The following AKAP6 variants were observed in gnomAD, a reference collection of about 807,000 sequenced individuals.
The protein encoded by AKAP6 is A-kinase anchor protein 6.
Under a neutral mutation model 188.5 loss-of-function variants are expected in AKAP6, and 58 were observed. The observed-to-expected ratio is 0.31, with a 90% CI of 0.25 to 0.38. The LOEUF (loss-of-function observed/expected upper bound fraction) is 0.38. Ranked by LOEUF, AKAP6 falls within the 10% of genes least tolerant of loss-of-function variation. The pLI is 1.00. For synonymous variants in AKAP6, 989 were observed against 998.6 expected, an observed-to-expected ratio of 0.99 and a Z score of 0.18; for missense variants, 2,710 against 2,740.0, an observed-to-expected ratio of 0.99 and a Z score of 0.24.
At chr14:32,670,438 T>C (rs554224734) in intron 7 of AKAP6, among the ~76,000 whole-genome samples, 5 of 152,242 alleles carry the variant, frequency 3.3e-5, no homozygotes. Context: ...CTAAAGGGGA[T>C]ACTATTAGGA....
intron 11 of AKAP6, among the ~76,000 whole-genome samples, chr14:32,748,741 T>C (rs1289508436): frequency 2.0e-5 from 3 of 152,114 alleles, no homozygotes; most frequent in African/African-American, 7.2e-5. Context: ...AAGGAAGAGC[T>C]CTTTTGGGGT....
At position 32,686,496 on chromosome 14, in the gene AKAP6, A is replaced by G. The variant is rs548918070; in HGVS notation, c.2879+8037A>G. On this transcript the variant is annotated intron_variant, in intron 8 of 13. Transcript: ENST00000280979. The stretch of plus-strand genomic sequence containing the variant: ...TAAATATTGAGAGGATAGATGCCCA[A>G]TTTTCCATGATGTGATTATTACTTA... 8.5e-5 allele frequency among the ~76,000 whole-genome samples: 13 copies of G among 152,234 alleles called. No homozygotes were observed. In the South Asian group the frequency reaches 1.2e-3, roughly 15 times the overall value.
chr14:32,539,000 T>G (rs963764984), intron 3 of AKAP6, among the ~76,000 whole-genome samples: 4 of 152,240 alleles, frequency 2.6e-5, no homozygotes, highest in Non-Finnish European at 4.4e-5. Context: ...TTCTTCCTTC[T>G]ATCTTCTCTA....
intron 7 of AKAP6, among the ~76,000 whole-genome samples, chr14:32,649,623 T>G (rs1384968024): frequency 6.6e-6 from 1 of 152,174 alleles, no homozygotes; most frequent in Non-Finnish European, 1.5e-5. Flanking sequence ...TCTTATGAAT[T>G]GTTTCTTTTT....
chr14:32,413,480 C>T (rs1218926184), intron 1 of AKAP6, among the ~76,000 whole-genome samples: 1 of 152,036 alleles, frequency 6.6e-6, no homozygotes, highest in African/African-American at 2.4e-5. Context: ...CTGTGCCTTG[C>T]CAAAAACCAT....
intron 2 of AKAP6, among the ~76,000 whole-genome samples, chr14:32,493,076 A>C (rs770425840): frequency 3.9e-5 from 6 of 152,214 alleles, no homozygotes; most frequent in Non-Finnish European, 8.8e-5. Context: ...ACTGTTTGTC[A>C]GAGAAGGAAC....
At chr14:32,444,327 G>T (rs904359289) in intron 2 of AKAP6, among the ~76,000 whole-genome samples, 5 of 151,966 alleles carry the variant, frequency 3.3e-5, no homozygotes, top group Admixed American at 2.6e-4. Flanking sequence ...AGAGGCAATT[G>T]GTTTTCTTAG....
rs2034820600 is a variant in AKAP6, at chr14:32,831,611, C to G, written c.*1806C>G. On this transcript the variant is annotated 3_prime_UTR_variant, in exon 14 of 14. Transcript: ENST00000280979. ...GAACAAACAGACAAAGCCCTGCCCT[C>G]AGAAGGCTGTCCTGCATTAGGAACA... 6.6e-6 allele frequency: 1 copy of G among 152,224 alleles called. No homozygotes were observed. Among genetic ancestry groups the G allele is most frequent in the Non-Finnish European group, 1.5e-5 (1 of 68,056 alleles). The allele number at this position is 152,224 out of a possible 1,614,324, so 9.4% of individuals were successfully genotyped here. A position where few individuals can be genotyped will look rare whatever the true frequency, so the allele number is the denominator to read the frequency against.
intron 2 of AKAP6, among the ~76,000 whole-genome samples, chr14:32,497,692 A>G (rs1307149661): frequency 1.3e-5 from 2 of 151,858 alleles, no homozygotes; most frequent in Non-Finnish European, 2.9e-5. Flanking sequence ...GTGATTTTAT[A>G]TATATATATA....
chr14:32,829,928 G>A lies in AKAP6; in HGVS notation c.*123G>A, dbSNP rs905049342. 24 of 702,564 alleles carry A rather than the reference G, an allele frequency of 3.4e-5. No individual in the cohort carries two copies. Among genetic ancestry groups the A allele is most frequent in the African/African-American group, 7.0e-5 (4 of 57,232 alleles). The allele number at this position is 702,564 out of a possible 1,614,324, so 43.5% of individuals were successfully genotyped here. ...TGGTTCCATCACGTTTGTCACTGCC[G>A]TTTATTACATTGACTTCTCCCAAGA... On this transcript the variant is annotated 3_prime_UTR_variant, in exon 14 of 14. Transcript: ENST00000280979.
chr14:32,745,393 A>AC (rs1481576059), intron 11 of AKAP6, among the ~76,000 whole-genome samples: 1 of 129,216 alleles, frequency 7.7e-6, no homozygotes, highest in Non-Finnish European at 1.7e-5. Context: ...GTCTAGGATA[A>AC]TTTCTGGATT....
intron 8 of AKAP6, among the ~76,000 whole-genome samples, chr14:32,694,222 G>T (rs898909660): frequency 1.6e-4 from 25 of 152,050 alleles, no homozygotes; most frequent in African/African-American, 6.0e-4. Flanking sequence ...TTAGCCGAGC[G>T]TGGTGGTGGG....
At chr14:32,346,798 G>A (rs1399103267) in intron 1 of AKAP6, among the ~76,000 whole-genome samples, 3 of 152,268 alleles carry the variant, frequency 2.0e-5, no homozygotes, top group South Asian at 2.1e-4. Context: ...GTGAGCCACC[G>A]CACCCAGCCA....
At chr14:32,372,824 G>T (rs11156739) in intron 1 of AKAP6, among the ~76,000 whole-genome samples, 13,660 of 151,614 alleles carry the variant, frequency 0.09, 1,033 homozygotes, top group African/African-American at 0.2. Flanking sequence ...GTGCTTGTGT[G>T]TCTGAGAGAG....
chr14:32,828,523 TCTCTCTCACA>T (rs1331257240), intron 13 of AKAP6, among the ~76,000 whole-genome samples: 123 of 31,382 alleles, frequency 3.9e-3, no homozygotes, highest in African/African-American at 7.7e-3. Context: ...TCTCTCTCTC[TCTCTCTCACA>T]CACACACACA....
At chr14:32,460,045 A>G (rs569393175) in intron 2 of AKAP6, among the ~76,000 whole-genome samples, 125 of 152,342 alleles carry the variant, frequency 8.2e-4, no homozygotes, top group South Asian at 5.6e-3. Context: ...CCATCAATAA[A>G]TTAGTCTTGC....
At chr14:32,655,651 G>C (rs1888424070) in intron 7 of AKAP6, among the ~76,000 whole-genome samples, 1 of 152,164 alleles carries the variant, frequency 6.6e-6, no homozygotes, top group Non-Finnish European at 1.5e-5. Flanking sequence ...CGAAGTAAGA[G>C]AGCAGATTAG....
Position 32,821,549 on chromosome 14 carries a change from A to T in AKAP6, c.3736A>T (p.Ile1246Phe). ...NDLDQELQPV[I>F]PSLKLGETSN... ...CCTTGATCAAGAACTCCAACCTGTT[A>T]TCCCTTCCTTGAAGCTTGGAGAGAC... Residue 1246 changes from isoleucine to phenylalanine, a missense_variant, in exon 13 of 14, where the codon ATC (isoleucine) becomes TTC (phenylalanine). Ile to Phe is a conservative substitution (Grantham distance 21). Coordinates refer to ENST00000280979, the MANE Select transcript of AKAP6 (RefSeq NM_004274.5). 6.2e-7 allele frequency: 1 copy of T among 1,613,812 alleles called. No individual in the cohort carries two copies. Among genetic ancestry groups the T allele is most frequent in the Non-Finnish European group, 8.5e-7 (1 of 1,179,858 alleles).
At chr14:32,444,506 C>T (rs1890696090) in intron 2 of AKAP6, among the ~76,000 whole-genome samples, 1 of 152,254 alleles carries the variant, frequency 6.6e-6, no homozygotes, top group African/African-American at 2.4e-5. Flanking sequence ...AGTTGGCTTT[C>T]TGGTATAAGC....
Sources: allele counts gnomAD v4.1 joint callset (sites outside exome capture counted in the v4.1 genomes callset), GRCh38; gene constraint gnomAD v4.1.1; transcripts MANE v1.5; gene names NCBI Gene and HGNC (gene_info 2026-07-23, HGNC 2026-07-21).